LOXHD1: variants seen among roughly 807,000 people sequenced by gnomAD.
LOXHD1 encodes lipoxygenase homology domain-containing protein 1.
LOXHD1 carries 205 observed loss-of-function variants against 248.2 expected under a neutral mutation model. The ratio of observed to expected loss-of-function variants is 0.83; its 90% CI spans 0.74 to 0.93. The LOEUF (loss-of-function observed/expected upper bound fraction) is 0.93. Ranked by LOEUF, LOXHD1 falls within the 40% of genes least tolerant of loss-of-function variation. The probability of loss-of-function intolerance (pLI) is 0.00; values close to 1 mark genes in which losing one functional copy is unlikely to be tolerated. For missense variants in LOXHD1, 2,930 were observed against 2,971.6 expected, an observed-to-expected ratio of 0.99 and a Z score of 0.33; for synonymous variants, 1,113 against 1,162.8, an observed-to-expected ratio of 0.96 and a Z score of 0.87.
intron 37 of LOXHD1, among the ~76,000 whole-genome samples, chr18:46,497,699 T>C (rs1405920393): frequency 1.3e-5 from 2 of 152,328 alleles, no homozygotes; most frequent in East Asian, 1.9e-4. Flanking sequence ...GGCAATGTGA[T>C]AGGCATTAGG....
At chr18:46,602,455 C>T (rs1395277348) in intron 7 of LOXHD1, among the ~76,000 whole-genome samples, 2 of 152,070 alleles carry the variant, frequency 1.3e-5, no homozygotes, top group Non-Finnish European at 2.9e-5. Context: ...ATCCACCCCC[C>T]TCAGACTCCC....
chr18:46,647,995 A>G (rs1568233688), intron 2 of LOXHD1, among the ~76,000 whole-genome samples: 1 of 152,206 alleles, frequency 6.6e-6, no homozygotes, highest in East Asian at 1.9e-4. Flanking sequence ...AGTGGCTCAC[A>G]CCTGTAATCC....
At chr18:46,554,419 A>G (rs1355184121) in intron 21 of LOXHD1, among the ~76,000 whole-genome samples, 1 of 152,188 alleles carries the variant, frequency 6.6e-6, no homozygotes, top group Admixed American at 6.5e-5. Flanking sequence ...GGCCCTAGGT[A>G]TTGACAGAAA....
At chr18:46,576,200 AT>A (rs2037851003) in intron 14 of LOXHD1, among the ~76,000 whole-genome samples, 1 of 152,188 alleles carries the variant, frequency 6.6e-6, no homozygotes. Flanking sequence ...AGGTATAAAT[AT>A]ATTTTGAGTA....
At chr18:46,479,129 C>T (rs533737066) in intron 40 of LOXHD1, among the ~76,000 whole-genome samples, 3 of 151,968 alleles carry the variant, frequency 2.0e-5, no homozygotes, top group Admixed American at 2.0e-4. Flanking sequence ...TTGCTGAATC[C>T]AGAGTGACAA....
Position 46,560,540 on chromosome 18 carries a change from C to T in LOXHD1, c.2604G>A (p.Glu868=). 1 of 1,528,820 alleles carries T rather than the reference C, an allele frequency of 6.5e-7. No individual in the cohort carries two copies. The highest frequency in any genetic ancestry group is 8.8e-7 in the Non-Finnish European group (1 of 1,141,806). 94.7% of individuals were successfully genotyped at this position (1,528,820 alleles called of 1,614,324 possible). The change falls in exon 19 of 41, where the codon GAG becomes GAA. Residue 868 remains glutamate, a synonymous_variant. Transcript: ENST00000642948. ...ERASKDTFQL[E]AADVGEVYKL... ...TATAGACCTCGCCCACGTCGGCCGC[C>T]TCAAGCTGTTCAAAGGGCAGGGCAG...
At chr18:46,533,903 C>T in intron 27 of LOXHD1, 1 of 169,916 alleles carries the variant, frequency 5.9e-6, no homozygotes, top group Non-Finnish European at 1.3e-5. Context: ...AAGACTCCAT[C>T]TCAAAAAAAT....
chr18:46,565,474 A>G (rs940221252), intron 17 of LOXHD1, among the ~76,000 whole-genome samples: 5 of 152,182 alleles, frequency 3.3e-5, no homozygotes, highest in African/African-American at 1.2e-4. Context: ...CTGTGAGCGC[A>G]AGGGTTTTGT....
At chr18:46,545,034 C>T (rs2036737207) in intron 23 of LOXHD1, 1 of 477,624 alleles carries the variant, frequency 2.1e-6, no homozygotes, top group Non-Finnish European at 4.0e-6. Context: ...CTGAGAGTAT[C>T]ATGGCTGAAT....
intron 17 of LOXHD1, among the ~76,000 whole-genome samples, chr18:46,564,149 C>CAATACCT (rs1177137452): frequency 2.6e-4 from 40 of 151,562 alleles, no homozygotes; most frequent in African/African-American, 9.5e-4. Flanking sequence ...AGGGCCCATA[C>CAATACCT]AAGTGCTTGT....
intron 20 of LOXHD1, 137 bp from the exon 21 acceptor site, chr18:46,557,626 T>C (rs2037397120): frequency 1.9e-6 from 2 of 1,053,130 alleles, no homozygotes; most frequent in Non-Finnish European, 1.4e-6. Context: ...GTGGGGATGA[T>C]GGAGAATGTC....
At chr18:46,550,038 T>A (rs2037021288) in intron 21 of LOXHD1, among the ~76,000 whole-genome samples, 1 of 152,178 alleles carries the variant, frequency 6.6e-6, no homozygotes, top group African/African-American at 2.4e-5. Flanking sequence ...AGTAGCACAA[T>A]CTCATTTAAT....
chr18:46,630,777 G>C (rs1246800298), intron 4 of LOXHD1, among the ~76,000 whole-genome samples: 1 of 152,102 alleles, frequency 6.6e-6, no homozygotes, highest in Non-Finnish European at 1.5e-5. Flanking sequence ...GTATGGGGGG[G>C]GGTGTGAAAT....
intron 4 of LOXHD1, among the ~76,000 whole-genome samples, chr18:46,635,835 C>G (rs1053208435): frequency 3.3e-5 from 5 of 152,116 alleles, no homozygotes; most frequent in African/African-American, 1.2e-4. Flanking sequence ...GTACTTGAAT[C>G]AGGCAAAACT....
At chr18:46,550,802 T>C (rs1488355615) in intron 21 of LOXHD1, among the ~76,000 whole-genome samples, 2 of 152,110 alleles carry the variant, frequency 1.3e-5, no homozygotes, top group East Asian at 1.9e-4. Flanking sequence ...GTTTGTTACT[T>C]AGCAGAACCT....
rs112854970 is a variant in LOXHD1, at chr18:46,487,449, G to A, written c.6049+1523C>T. ...GACAAGAACTACAGGGGCATGTGAC[G>A]GCCATGGAGGAATGCTAGGAGCATA... is the stretch of plus-strand genomic sequence containing the variant. On this transcript the variant is annotated intron_variant, in intron 38 of 40. Coordinates refer to ENST00000642948, the MANE Select transcript of LOXHD1 (RefSeq NM_001384474.1). Among the ~76,000 whole-genome samples, 1,001 of 152,322 alleles carry A rather than the reference G, an allele frequency of 6.6e-3. 14 individuals carry two copies. The highest frequency in any genetic ancestry group is 0.023 in the African/African-American group (940 of 41,578).
chr18:46,640,453 G>A (rs111302325), intron 3 of LOXHD1, among the ~76,000 whole-genome samples: 1,785 of 152,266 alleles, frequency 0.012, 39 homozygotes, highest in African/African-American at 0.041. Flanking sequence ...AGACCAGGGT[G>A]GTCCCATAGA....
chr18:46,551,451 G>A (rs1353834244), intron 21 of LOXHD1, among the ~76,000 whole-genome samples: 3 of 151,966 alleles, frequency 2.0e-5, no homozygotes, highest in East Asian at 1.9e-4. Context: ...GAAGATGCAC[G>A]TTCTTTATTC....
intron 37 of LOXHD1, among the ~76,000 whole-genome samples, chr18:46,504,036 C>G (rs1257232229): frequency 6.6e-6 from 1 of 152,106 alleles, no homozygotes; most frequent in African/African-American, 2.4e-5. Flanking sequence ...CTCAATATTA[C>G]TTGGTTGTAA....
Sources: gnomAD v4.1 joint callset for allele counts (sites outside exome capture counted in the v4.1 genomes callset) on GRCh38, gnomAD v4.1.1 for gene constraint, MANE v1.5 for transcripts, NCBI Gene and HGNC (gene_info 2026-07-23, HGNC 2026-07-21) for gene names.